Variants in MEGF10 observed in about 807,000 individuals in gnomAD.
MEGF10 encodes the protein multiple EGF like domains 10, also known as multiple epidermal growth factor-like domains protein 10.
In MEGF10, 86 loss-of-function variants were observed where a neutral mutation model predicts 147.5. The ratio of observed to expected loss-of-function variants is 0.58; its 90% CI spans 0.49 to 0.70. The LOEUF (loss-of-function observed/expected upper bound fraction) is 0.70. Among genes scored for constraint, MEGF10 ranks in the 30% least tolerant of loss-of-function variants. The pLI is 0.00. For synonymous variants in MEGF10, 478 were observed against 525.5 expected (o/e 0.91, Z 1.24); for missense variants, 1,329 against 1,487.3 (o/e 0.89, Z 1.75).
At chr5:127,383,490 A>G (rs2126889532) in intron 5 of MEGF10, among the ~76,000 whole-genome samples, 1 of 152,254 alleles carries the variant, frequency 6.6e-6, no homozygotes, top group African/African-American at 2.4e-5. Flanking sequence ...ATAAAAAGTA[A>G]ATCTCAATAT....
At position 127,457,273 on chromosome 5, in the gene MEGF10, G is replaced by A. The variant is rs1258778070; in HGVS notation, c.3378G>A (p.Glu1126=). Residue 1126 remains glutamate (E), a synonymous_variant, in exon 25 of 25, where the codon GAG becomes GAA. Transcript: ENST00000503335. ...VRDSSSSPKQ[E]DSGGSSSNSS... is the part of the protein sequence containing the mutation. ...ACAGTTCATCCTCCCCTAAGCAAGA[G>A]GACAGTGGTGGTAGCAGCAGCAACA... The A allele has an allele frequency of 1.9e-6, 3 of 1,613,880 alleles. No individual in the cohort carries two copies. The highest frequency in any genetic ancestry group is 2.7e-5 in the African/African-American group (2 of 74,898).
chr5:127,244,195 CAAA>C, the MEGF10 span, among the ~76,000 whole-genome samples: 169 of 70,572 alleles, frequency 2.4e-3, 2 homozygotes, highest in East Asian at 0.056. Context: ...AAACTCTGTC[CAAA>C]AAAAAAAAAA....
intron 4 of MEGF10, among the ~76,000 whole-genome samples, chr5:127,369,304 C>T (rs768987733): frequency 1.3e-5 from 2 of 152,140 alleles, no homozygotes; most frequent in Non-Finnish European, 1.5e-5. Flanking sequence ...GGGTTGAGTA[C>T]ACCTAAGATC....
intron 5 of MEGF10, among the ~76,000 whole-genome samples, chr5:127,386,688 T>G (rs1367434454): frequency 6.6e-6 from 1 of 152,244 alleles, no homozygotes; most frequent in African/African-American, 2.4e-5. Context: ...AAATTTTACA[T>G]TGTGAGAACT....
At chr5:127,365,688 C>A (rs975860187) in intron 4 of MEGF10, among the ~76,000 whole-genome samples, 1 of 152,186 alleles carries the variant, frequency 6.6e-6, no homozygotes. Flanking sequence ...AAGGAGCATA[C>A]TGAGAGTAGG....
chr5:127,239,868 G>A, the MEGF10 span, among the ~76,000 whole-genome samples: 1 of 152,166 alleles, frequency 6.6e-6, no homozygotes, highest in South Asian at 2.1e-4. Flanking sequence ...TGCCATGACA[G>A]ATGACTTCTC....
intron 22 of MEGF10, 129 bp downstream of exon 22, chr5:127,449,351 G>A: frequency 8.0e-7 from 1 of 1,246,284 alleles, no homozygotes; most frequent in South Asian, 1.5e-5. Context: ...GCAGAATTAT[G>A]CCTAACACCT....
At chr5:127,426,112 G>C (rs1765202769) in intron 13 of MEGF10, among the ~76,000 whole-genome samples, 2 of 152,170 alleles carry the variant, frequency 1.3e-5, no homozygotes, top group Admixed American at 1.3e-4. Flanking sequence ...TCTTTACAAA[G>C]GAATTGACAT....
intron 6 of MEGF10, 152 bp downstream of exon 6, chr5:127,396,930 C>G (rs1372288485): frequency 1.8e-6 from 2 of 1,090,684 alleles, no homozygotes; most frequent in African/African-American, 3.2e-5. Flanking sequence ...TAGAGGTCAG[C>G]AGTGATGGCC....
chr5:127,267,195 T>A, the MEGF10 span, among the ~76,000 whole-genome samples: 2 of 152,212 alleles, frequency 1.3e-5, 1 homozygote, highest in African/African-American at 4.8e-5. Context: ...GGTTTTTGTC[T>A]TTGGTTCTGT....
the MEGF10 span, among the ~76,000 whole-genome samples, chr5:127,257,752 T>C: frequency 9.9e-5 from 15 of 152,280 alleles, no homozygotes; most frequent in East Asian, 2.9e-3. Context: ...AAGAAAGCTT[T>C]GTTCTTAGCA....
chr5:127,268,661 G>T, the MEGF10 span, among the ~76,000 whole-genome samples: 1 of 152,308 alleles, frequency 6.6e-6, no homozygotes, highest in African/African-American at 2.4e-5. Flanking sequence ...CACCTCTGGG[G>T]GTAGGGCATA....
At chr5:127,409,761 G>T (rs1412927892) in intron 8 of MEGF10, 4 of 153,288 alleles carry the variant, frequency 2.6e-5, no homozygotes, top group African/African-American at 9.7e-5. Context: ...CTACTGGCAG[G>T]CACTTCCCAT....
At chr5:127,451,725 T>C (rs1766161333) in intron 22 of MEGF10, among the ~76,000 whole-genome samples, 1 of 152,338 alleles carries the variant, frequency 6.6e-6, no homozygotes, top group Non-Finnish European at 1.5e-5. Flanking sequence ...GACTGAGTGT[T>C]AGGAACCTAG....
rs1766473641 is a variant in MEGF10, at chr5:127,459,143, T to A, written c.*1825T>A. 1 of 152,238 alleles carries A rather than the reference T, an allele frequency of 6.6e-6. No individual in the cohort carries two copies. Among genetic ancestry groups the A allele is most frequent in the Non-Finnish European group, 1.5e-5 (1 of 68,042 alleles). 9.4% of individuals were successfully genotyped at this position (152,238 alleles called of 1,614,324 possible). On this transcript the variant is annotated 3_prime_UTR_variant, in exon 25 of 25. Transcript: ENST00000503335. Reference sequence around the variant, plus strand: ...TTAACAAATACGTATGTGCAACCCTTCTGCTAGTAGTGCACATAAGTGATT... The same window carrying A: ...TTAACAAATACGTATGTGCAACCCTACTGCTAGTAGTGCACATAAGTGATT...
intron 1 of MEGF10, among the ~76,000 whole-genome samples, chr5:127,328,252 T>A (rs941176660): frequency 2.0e-5 from 3 of 152,222 alleles, no homozygotes; most frequent in Non-Finnish European, 4.4e-5. Flanking sequence ...TGCCTCTTGA[T>A]CAAACAATTC....
intron 4 of MEGF10, among the ~76,000 whole-genome samples, chr5:127,348,373 T>TA (rs1342403702): frequency 6.6e-6 from 1 of 152,158 alleles, no homozygotes. Context: ...GTAGCTATTT[T>TA]AAAATGGAAA....
At chr5:127,396,466 C>T (rs1369765048) in intron 5 of MEGF10, 66 bp from the exon 6 acceptor site, 42 of 1,480,742 alleles carry the variant, frequency 2.8e-5, no homozygotes, top group Non-Finnish European at 3.4e-5. Context: ...CCATTCTCCC[C>T]GAGAGGCGAA....
At position 127,422,690 on chromosome 5, in the gene MEGF10, C is replaced by A. The variant is rs771175766; in HGVS notation, c.1611C>A (p.Asn537Lys). The A allele has an allele frequency of 6.2e-7, 1 of 1,614,008 alleles. No individual in the cohort carries two copies. Among genetic ancestry groups the A allele is most frequent in the South Asian group, 1.1e-5 (1 of 91,076 alleles). The change falls in exon 13 of 25, where the codon AAC becomes AAA. Residue 537 changes from asparagine to lysine, a missense_variant. Physicochemically the swap from Asn to Lys is moderately conservative, Grantham distance 94. Around this residue, in one of 3 missense-constraint regions of MEGF10, gnomAD observed 980 missense variants for 1,085.9 expected, o/e 0.90. Coordinates refer to ENST00000503335, the MANE Select transcript of MEGF10 (RefSeq NM_001256545.2). ...LPCQDGTYGL[N>K]CAERCDCSHA... Reference sequence around the variant, plus strand: ...TGCAGGATGGCACGTACGGGCTGAACTGTGCTGAGCGCTGCGACTGCAGCC... The same window carrying A: ...TGCAGGATGGCACGTACGGGCTGAAATGTGCTGAGCGCTGCGACTGCAGCC...
Sources: gnomAD v4.1 joint callset for allele counts (sites outside exome capture counted in the v4.1 genomes callset) on GRCh38, gnomAD v4.1.1 for gene constraint, gnomAD v4.1.1 regional missense constraint, MANE v1.5 for transcripts, NCBI Gene and HGNC (gene_info 2026-07-23, HGNC 2026-07-21) for gene names.